Variants in PHACTR2 observed in about 807,000 individuals in gnomAD.
PHACTR2 encodes phosphatase and actin regulator 2, also known as chromosome 6 open reading frame 56.
Under a neutral mutation model 76.0 loss-of-function variants are expected in PHACTR2, and 30 were observed. The observed-to-expected ratio is 0.39, with a 90% CI of 0.30 to 0.54. The LOEUF (loss-of-function observed/expected upper bound fraction) is 0.54. PHACTR2 is among the 20% of genes least tolerant of loss of function. The pLI is 0.61. For missense variants in PHACTR2, 696 were observed against 781.1 expected (o/e 0.89, Z 1.30); for synonymous variants, 292 against 292.5 (o/e 1.00, Z 0.02).
At chr6:143,560,882 GGTGTGTGTGTGTGTGTGTGTGT>G (rs36070460) in intron 1 of PHACTR2, among the ~76,000 whole-genome samples, 1 of 133,016 alleles carries the variant, frequency 7.5e-6, no homozygotes, top group Admixed American at 7.5e-5. Flanking sequence ...AAAGCAGAGG[GGTGTGTGTGTGTGTGTGTGTGT>G]GTGTGTGTGT....
intron 1 of PHACTR2, among the ~76,000 whole-genome samples, chr6:143,575,113 A>C (rs1775490292): frequency 1.8e-5 from 2 of 113,850 alleles, no homozygotes; most frequent in Non-Finnish European, 3.9e-5. Flanking sequence ...CACTCCAAAA[A>C]CATTTTCAGC....
Position 143,788,804 on chromosome 6 carries a change from A to G in PHACTR2, c.1739A>G (p.Gln580Arg). 1 of 1,613,420 alleles carries G rather than the reference A, an allele frequency of 6.2e-7. No individual in the cohort carries two copies. Among genetic ancestry groups the G allele is most frequent in the Non-Finnish European group, 8.5e-7 (1 of 1,179,436 alleles). ...CTGAGACCCACAGTGGCAGAGCTAC[A>G]AGCTCGAAGGATCCTGCGATTTAAC... Reference protein sequence around the residue: ...LSLRPTVAELQARRILRFNEY... With the variant: ...LSLRPTVAELRARRILRFNEY... Residue 580 changes from glutamine to arginine, a missense_variant, in exon 11 of 13, where the codon CAA (glutamine) becomes CGA (arginine). Physicochemically the swap from Gln to Arg is conservative, Grantham distance 43. This residue lies in a region of PHACTR2 where 236 missense variants were observed against 330.2 expected (regional missense o/e 0.71). Coordinates refer to ENST00000440869, the MANE Select transcript of PHACTR2 (RefSeq NM_001100164.2).
In PHACTR2 at chr6:143,672,064, G is replaced by A. The variant is rs1777162658; in HGVS notation, c.14-39952G>A. On this transcript the variant is annotated intron_variant, in intron 1 of 11. Coordinates refer to the PHACTR2 transcript ENST00000305766. The surrounding 1 kb of genome is among the most constrained non-coding windows in gnomAD (Gnocchi z 5.8). ...CAGGTTGGCAGTTCCCTAATGCCAA[G>A]GGTGGTACAGGGATGTGAAACAGGA... 6.6e-6 allele frequency among the ~76,000 whole-genome samples: 1 copy of A among 152,160 alleles called. No homozygotes were observed. Among genetic ancestry groups the A allele is most frequent in the South Asian group, 2.1e-4 (1 of 4,830 alleles).
At position 143,554,999 on chromosome 6, in the gene PHACTR2, G is replaced by A. The variant is rs1775151874; in HGVS notation, c.217+17792G>A. ...TTGGTTTTCTTTCATTTTGTTCTTA[G>A]GACGTTTTGTTACTCAGGAACAAAT... On this transcript the variant is annotated intron_variant, in intron 1 of 11. Transcript: ENST00000367584. The surrounding 1 kb of genome is among the most constrained non-coding windows in gnomAD (Gnocchi z 5.9). 1.3e-5 allele frequency: 2 copies of A among 151,892 alleles called. No individual in the cohort carries two copies. Among genetic ancestry groups the A allele is most frequent in the South Asian group, 4.2e-4 (2 of 4,806 alleles). 9.4% of individuals were successfully genotyped at this position (151,892 alleles called of 1,614,324 possible).
chr6:143,805,062 C>A (rs1209759027), intron 11 of PHACTR2, among the ~76,000 whole-genome samples: 2 of 152,218 alleles, frequency 1.3e-5, no homozygotes, highest in African/African-American at 4.8e-5. Context: ...ATAGCCAAGA[C>A]TAGAATCCCT....
intron 1 of PHACTR2, among the ~76,000 whole-genome samples, chr6:143,685,615 T>A (rs899359857): frequency 6.6e-6 from 1 of 150,666 alleles, no homozygotes; most frequent in African/African-American, 2.5e-5. Flanking sequence ...CTAAGAAACT[T>A]GCCTATGTTA....
rs1582882731 is a variant in PHACTR2, at chr6:143,789,154, A to C, written c.1845+244A>C. ...ACCTACCTGCTTTCATACCTGGATG[A>C]GGAGGGCTTTCTCACATCCAGGATT... On this transcript the variant is annotated intron_variant, in intron 11 of 12. Coordinates refer to ENST00000440869, the MANE Select transcript of PHACTR2 (RefSeq NM_001100164.2). This position sits in a 1 kb window ranked among gnomAD's most constrained non-coding sequence, Gnocchi z 5.1. The C allele has an allele frequency of 2.9e-6, 1 of 342,014 alleles. No individual in the cohort carries two copies. The highest frequency in any genetic ancestry group is 5.4e-6 in the Non-Finnish European group (1 of 185,086). The allele number at this position is 342,014 out of a possible 1,614,324, so 21.2% of individuals were successfully genotyped here. A position where few individuals can be genotyped will look rare whatever the true frequency, so the allele number is the denominator to read the frequency against.
intron 2 of PHACTR2, among the ~76,000 whole-genome samples, chr6:143,737,094 G>A (rs1231251132): frequency 6.6e-6 from 1 of 151,446 alleles, no homozygotes; most frequent in Admixed American, 6.6e-5. Context: ...TATATATAAT[G>A]TAATATAACA....
intron 11 of PHACTR2, among the ~76,000 whole-genome samples, chr6:143,790,366 T>A (rs941482445): frequency 2.0e-5 from 3 of 151,944 alleles, no homozygotes; most frequent in African/African-American, 7.3e-5. Context: ...CAGTAACTGA[T>A]AGCGTGGGAA....
chr6:143,613,165 C>T (rs1025797237), intron 1 of PHACTR2, among the ~76,000 whole-genome samples: 24 of 152,136 alleles, frequency 1.6e-4, no homozygotes, highest in African/African-American at 5.8e-4. Context: ...TCAGTAGAGA[C>T]GGGGTTTCAC....
chr6:143,760,677 A>T lies in PHACTR2; in HGVS notation c.694+37A>T. 6.2e-7 allele frequency: 1 copy of T among 1,605,336 alleles called. No homozygotes were observed. Among genetic ancestry groups the T allele is most frequent in the Non-Finnish European group, 8.5e-7 (1 of 1,175,420 alleles). On this transcript the variant is annotated intron_variant, in intron 5 of 12. Transcript: ENST00000440869. This position sits in a 1 kb window ranked among gnomAD's most constrained non-coding sequence, Gnocchi z 6.4. ...CCCAGTGCCCTGTGGGGTCACTTCTAGGGTGCTTGGCTCTGGGATGGGGCT... is the reference window on the plus strand; with the variant it reads ...CCCAGTGCCCTGTGGGGTCACTTCTTGGGTGCTTGGCTCTGGGATGGGGCT...
chr6:143,540,202 T>C (rs1288501002), intron 1 of PHACTR2, among the ~76,000 whole-genome samples: 1 of 152,220 alleles, frequency 6.6e-6, no homozygotes, highest in Non-Finnish European at 1.5e-5. Context: ...AGGGATAATT[T>C]CTAATCATGA....
At chr6:143,766,917 A>C (rs1230667265) in intron 6 of PHACTR2, among the ~76,000 whole-genome samples, 1 of 152,232 alleles carries the variant, frequency 6.6e-6, no homozygotes, top group African/African-American at 2.4e-5. Context: ...GAGCTCTTGC[A>C]TCCTGGCTTT....
intron 1 of PHACTR2, among the ~76,000 whole-genome samples, chr6:143,632,007 G>A (rs1321609633): frequency 1.3e-5 from 2 of 152,306 alleles, no homozygotes; most frequent in East Asian, 1.9e-4. Flanking sequence ...AGCCAGAAAT[G>A]CACTGTTATG....
intron 1 of PHACTR2, among the ~76,000 whole-genome samples, chr6:143,544,492 T>C (rs1781204935): frequency 6.6e-6 from 1 of 152,212 alleles, no homozygotes; most frequent in Admixed American, 6.5e-5. Flanking sequence ...CACCTCCCTA[T>C]GCTAGGTTTC....
chr6:143,554,623 GT>G lies in PHACTR2; in HGVS notation c.217+17417del, dbSNP rs1742589564. ...GAAGGGCTAAGGAACTCGATTGAGG[GT>G]GGGAGTTCTCGGTAAACCAATTTAG... On this transcript the variant is annotated intron_variant, in intron 1 of 11. Coordinates refer to the PHACTR2 transcript ENST00000367584. The surrounding 1 kb of genome is among the most constrained non-coding windows in gnomAD (Gnocchi z 5.9). The G allele has an allele frequency of 6.6e-6, 1 of 152,198 alleles. No individual in the cohort carries two copies. The highest frequency in any genetic ancestry group is 1.9e-4 in the East Asian group (1 of 5,194). 9.4% of individuals were successfully genotyped at this position (152,198 alleles called of 1,614,324 possible). A position where few individuals can be genotyped will look rare whatever the true frequency, so the allele number is the denominator to read the frequency against.
At position 143,725,189 on chromosome 6, in the gene PHACTR2, T is replaced by C. The variant is rs1425994857; in HGVS notation, c.214+13006T>C. On this transcript the variant is annotated intron_variant, in intron 2 of 12. Coordinates refer to ENST00000440869, the MANE Select transcript of PHACTR2 (RefSeq NM_001100164.2). ...AGTTCTGTCACTCCCCAAATCTCCTTTGTGCTGTCTTTTTTTTTTTTTTTT... is the reference window on the plus strand; with the variant it reads ...AGTTCTGTCACTCCCCAAATCTCCTCTGTGCTGTCTTTTTTTTTTTTTTTT... 3.4e-5 allele frequency among the ~76,000 whole-genome samples: 5 copies of C among 149,092 alleles called. No homozygotes were observed. In the East Asian group the frequency reaches 1.0e-3, roughly 30 times the overall value.
At position 143,564,520 on chromosome 6, in the gene PHACTR2, A is replaced by G. The variant is rs117532607; in HGVS notation, c.217+27313A>G. On this transcript the variant is annotated intron_variant, in intron 1 of 11. Coordinates refer to the PHACTR2 transcript ENST00000367584. Reference sequence around the variant, plus strand: ...TTTTGTATTTTTAACACCCATGCACATTTATGGGAATTCATTAGAGGGGGA... The same window carrying G: ...TTTTGTATTTTTAACACCCATGCACGTTTATGGGAATTCATTAGAGGGGGA... Among the ~76,000 whole-genome samples the G allele has an allele frequency of 5.1e-3, 772 of 152,166 alleles. 5 individuals are homozygous for G. Among genetic ancestry groups the G allele is most frequent in the South Asian group, 9.4e-3 (45 of 4,810 alleles).
chr6:143,817,704 G>T lies in PHACTR2; in HGVS notation c.1923-5970G>T, dbSNP rs1776330111. Among the ~76,000 whole-genome samples the T allele has an allele frequency of 2.0e-5, 3 of 152,214 alleles. No homozygotes were observed. The South Asian group carries it at 6.2e-4, about 32-fold the overall frequency. On this transcript the variant is annotated intron_variant, in intron 12 of 12. Transcript: ENST00000440869. The stretch of plus-strand genomic sequence containing the variant: ...GAATGAAATTCTGTCATTTACACCA[G>T]CATGGATGAACCTGGAGGATATTAT...
Sources: allele counts gnomAD v4.1 joint callset (sites outside exome capture counted in the v4.1 genomes callset), GRCh38; gene constraint gnomAD v4.1.1; regional missense constraint gnomAD v4.1.1; non-coding constraint Gnocchi (gnomAD v3.1); transcripts MANE v1.5; gene names NCBI Gene and HGNC (gene_info 2026-07-23, HGNC 2026-07-21).